GARNL3: variants seen among roughly 807,000 people sequenced by gnomAD.
GARNL3 encodes the protein GTPase activating Rap/RanGAP domain like 3, also known as GTPase-activating Rap/Ran-GAP domain-like protein 3.
Under a neutral mutation model 125.0 loss-of-function variants are expected in GARNL3, and 63 were observed. The observed-to-expected ratio is 0.50, with a 90% CI of 0.41 to 0.62. The LOEUF is 0.62. Among genes scored for constraint, GARNL3 ranks in the 20% least tolerant of loss-of-function variants. The pLI, the probability that GARNL3 is intolerant of heterozygous loss-of-function variation, is 0.00. For missense variants in GARNL3, 994 were observed against 1,244.0 expected (o/e 0.80, Z 3.02); for synonymous variants, 439 against 457.5 (o/e 0.96, Z 0.52).
At chr9:127,265,184 T>G (rs180717239) in intron 1 of GARNL3, among the ~76,000 whole-genome samples, 163 bp downstream of exon 1, 17 of 152,358 alleles carry the variant, frequency 1.1e-4, no homozygotes, top group Non-Finnish European at 1.6e-4. Context: ...GATAATTTGA[T>G]CTTCTTTATC....
chr9:127,393,288 C>G lies in GARNL3; in HGVS notation c.*34C>G, dbSNP rs773919626. 3.2e-6 allele frequency: 5 copies of G among 1,574,570 alleles called. No homozygotes were observed. The South Asian group carries it at 5.6e-5, about 18-fold the overall frequency. On this transcript the variant is annotated 3_prime_UTR_variant, in exon 28 of 28. Coordinates refer to ENST00000373387, the MANE Select transcript of GARNL3 (RefSeq NM_032293.5). The stretch of plus-strand genomic sequence containing the variant: ...AATCTCATTTGCCATCTTTAGTTTT[C>G]TTATGGAGGTTTATACTCTTTAAAC...
At position 127,335,338 on chromosome 9, in the gene GARNL3, A is replaced by G; in HGVS notation, c.873+5A>G. ...TCCAAAGAGAACAAACAGCAGGTAC[A>G]TGTGAACATACAAACCATCAAATAG... On this transcript the variant is annotated splice_donor_5th_base_variant and intron_variant, in intron 10 of 27. Transcript: ENST00000373387. 3.2e-6 allele frequency: 5 copies of G among 1,587,290 alleles called. No homozygotes were observed. Among genetic ancestry groups the G allele is most frequent in the Middle Eastern group, 1.7e-4 (1 of 6,022 alleles).
At chr9:127,299,545 G>A (rs1402022241) in intron 2 of GARNL3, among the ~76,000 whole-genome samples, 5 of 151,720 alleles carry the variant, frequency 3.3e-5, no homozygotes, top group African/African-American at 1.2e-4. Flanking sequence ...GATTACAGGC[G>A]CCTGGCTAAT....
At chr9:127,293,283 T>C (rs1173932844) in intron 2 of GARNL3, among the ~76,000 whole-genome samples, 1 of 152,218 alleles carries the variant, frequency 6.6e-6, no homozygotes, top group Admixed American at 6.5e-5. Flanking sequence ...AACAAACAAA[T>C]TGCAAATTTT....
chr9:127,262,698 C>G (rs1430768850), upstream of GARNL3, among the ~76,000 whole-genome samples: 2 of 152,254 alleles, frequency 1.3e-5, no homozygotes, highest in African/African-American at 4.8e-5. Context: ...AGTGGGCAGC[C>G]TGCCCTGGTA....
upstream of GARNL3, among the ~76,000 whole-genome samples, chr9:127,259,889 T>C (rs1043982565): frequency 6.1e-4 from 93 of 151,984 alleles, no homozygotes; most frequent in African/African-American, 2.2e-3. Context: ...AAAAAAAAAT[T>C]TTTTTAAATT....
chr9:127,320,391 A>G (rs1310120453), intron 5 of GARNL3, among the ~76,000 whole-genome samples: 1 of 152,242 alleles, frequency 6.6e-6, no homozygotes. Context: ...CTTTTGCCCT[A>G]TGTGGCATAG....
At chr9:127,378,663 A>G (rs1832074271) in intron 22 of GARNL3, among the ~76,000 whole-genome samples, 1 of 152,182 alleles carries the variant, frequency 6.6e-6, no homozygotes, top group Admixed American at 6.5e-5. Flanking sequence ...CAGATAATTT[A>G]CAAAAGAAAG....
intron 8 of GARNL3, 48 bp from the exon 9 acceptor site, chr9:127,332,975 G>A (rs1397611827): frequency 7.8e-7 from 1 of 1,276,096 alleles, no homozygotes; most frequent in Non-Finnish European, 1.1e-6. Flanking sequence ...TAGAAAATGA[G>A]GACTTGTTGA....
intron 1 of GARNL3, among the ~76,000 whole-genome samples, chr9:127,290,486 A>G (rs1035146003): frequency 6.6e-6 from 1 of 152,228 alleles, no homozygotes; most frequent in African/African-American, 2.4e-5. Flanking sequence ...TAAAGGCTAA[A>G]AAAAGATGTG....
At chr9:127,311,205 T>C (rs766916983) in intron 2 of GARNL3, among the ~76,000 whole-genome samples, 4 of 151,680 alleles carry the variant, frequency 2.6e-5, no homozygotes, top group Non-Finnish European at 5.9e-5. Flanking sequence ...TTTCATCTTA[T>C]TAAGAAAAAT....
chr9:127,343,866 G>C (rs575414047), intron 14 of GARNL3, among the ~76,000 whole-genome samples: 1 of 152,300 alleles, frequency 6.6e-6, no homozygotes, highest in South Asian at 2.1e-4. Context: ...TAGGGGTACT[G>C]TTCTCATAGA....
chr9:127,285,292 A>G (rs1043180718), intron 1 of GARNL3, among the ~76,000 whole-genome samples: 21 of 152,192 alleles, frequency 1.4e-4, no homozygotes, highest in African/African-American at 5.1e-4. Context: ...TTAGCTGGGC[A>G]TGATGGTGCA....
chr9:127,338,445 C>A (rs571608296), intron 12 of GARNL3, among the ~76,000 whole-genome samples: 2 of 152,320 alleles, frequency 1.3e-5, no homozygotes, highest in South Asian at 4.1e-4. Context: ...TCCTAGTCTA[C>A]ATTCTTGCCT....
chr9:127,352,051 G>A (rs2131652196), intron 17 of GARNL3, among the ~76,000 whole-genome samples: 1 of 152,320 alleles, frequency 6.6e-6, no homozygotes. Flanking sequence ...CTGTTCCTAT[G>A]TAAAATGAAG....
At chr9:127,357,435 A>T in intron 21 of GARNL3, 58 bp downstream of exon 21, 1 of 1,518,722 alleles carries the variant, frequency 6.6e-7, no homozygotes. Context: ...ATCGTTGTGT[A>T]TTCTAACCCT....
chr9:127,229,789 C>T (rs2062971123), intron 1 of GARNL3, among the ~76,000 whole-genome samples: 1 of 152,212 alleles, frequency 6.6e-6, no homozygotes, highest in African/African-American at 2.4e-5. Context: ...AGCCACCATA[C>T]CCAGCAGTTT....
intron 17 of GARNL3, among the ~76,000 whole-genome samples, chr9:127,351,319 T>G (rs1482836416): frequency 2.0e-5 from 3 of 152,224 alleles, no homozygotes; most frequent in Admixed American, 6.5e-5. Flanking sequence ...AGGAGTATTG[T>G]GATTTGCCAG....
intron 9 of GARNL3, among the ~76,000 whole-genome samples, chr9:127,333,408 A>G (rs536634796): frequency 1.3e-5 from 2 of 152,348 alleles, no homozygotes; most frequent in South Asian, 2.1e-4. Flanking sequence ...CTCTGGGGAT[A>G]TAGAAGTGGA....
Sources: allele counts gnomAD v4.1 joint callset (sites outside exome capture counted in the v4.1 genomes callset), GRCh38; gene constraint gnomAD v4.1.1; transcripts MANE v1.5; gene names NCBI Gene and HGNC (gene_info 2026-07-23, HGNC 2026-07-21).